Variants in CYP7B1 observed in about 807,000 individuals in gnomAD.
CYP7B1 encodes the protein cytochrome P450 family 7 subfamily B member 1.
A neutral mutation model predicts 42.7 loss-of-function variants in CYP7B1; 29 were observed. The ratio of observed to expected loss-of-function variants is 0.68; its 90% confidence interval spans 0.51 to 0.93. The LOEUF is 0.93. CYP7B1 is among the 40% of genes least tolerant of loss of function. The pLI is 0.00. For synonymous variants in CYP7B1, 235 were observed against 218.2 expected (o/e 1.08, Z -0.68); for missense variants, 655 against 600.5 (o/e 1.09, Z -0.95).
In CYP7B1 at chr8:64,596,345, G is replaced by T. The variant is rs1805115920; in HGVS notation, c.*297C>A. ...ACAGTGCCCAATCTATTGGTGTGAA[G>T]GTACATTTATTATAACAGGTGAAAA... On this transcript the variant is annotated 3_prime_UTR_variant, in exon 6 of 6. Transcript: ENST00000310193. 1 of 280,286 alleles carries T rather than the reference G, an allele frequency of 3.6e-6. No individual in the cohort carries two copies. Among genetic ancestry groups the T allele is most frequent in the African/African-American group, 2.2e-5 (1 of 45,654 alleles). 17.4% of individuals were successfully genotyped at this position (280,286 alleles called of 1,614,324 possible).
At chr8:64,668,120 G>C (rs567811308) in intron 1 of CYP7B1, among the ~76,000 whole-genome samples, 4 of 152,092 alleles carry the variant, frequency 2.6e-5, no homozygotes, top group Non-Finnish European at 5.9e-5. Context: ...GAGATGTTTG[G>C]GGCTTTACCT....
intron 1 of CYP7B1, 133 bp from the exon 2 acceptor site, chr8:64,624,672 A>G: frequency 9.9e-7 from 1 of 1,014,070 alleles, no homozygotes; most frequent in South Asian, 1.5e-5. Flanking sequence ...TCTCTTACTC[A>G]GTGATTCTTA....
intron 1 of CYP7B1, among the ~76,000 whole-genome samples, chr8:64,770,595 A>C (rs975179784): frequency 1.3e-5 from 2 of 152,250 alleles, no homozygotes; most frequent in East Asian, 3.8e-4. Context: ...ATCTAAAACC[A>C]ATATACTCAC....
At chr8:64,633,745 T>G (rs1585820153) in intron 1 of CYP7B1, among the ~76,000 whole-genome samples, 1 of 152,252 alleles carries the variant, frequency 6.6e-6, no homozygotes, top group East Asian at 1.9e-4. Flanking sequence ...AGTAAGATGT[T>G]TTATGGATAT....
intron 1 of CYP7B1, among the ~76,000 whole-genome samples, chr8:64,691,697 C>A (rs1806747800): frequency 6.6e-6 from 1 of 152,178 alleles, no homozygotes; most frequent in Admixed American, 6.5e-5. Flanking sequence ...CCACTAGCAC[C>A]AGCTCAACAG....
rs1805575321 is a variant in CYP7B1 at position 64,624,383 on chromosome 8, T to C, written c.259+20A>G. The C allele has an allele frequency of 6.2e-7, 1 of 1,611,306 alleles. No individual in the cohort carries two copies. The highest frequency in any genetic ancestry group is 1.3e-5 in the African/African-American group (1 of 74,886). ...GAAAAATGATGACATATATAAGGTA[T>C]TAATAGAAGTGCTTCTTACCACCAA... On this transcript the variant is annotated intron_variant, in intron 2 of 5. Coordinates refer to ENST00000310193, the MANE Select transcript of CYP7B1 (RefSeq NM_004820.5).
At chr8:64,760,001 A>C (rs1807862211) in intron 1 of CYP7B1, among the ~76,000 whole-genome samples, 1 of 152,160 alleles carries the variant, frequency 6.6e-6, no homozygotes, top group South Asian at 2.1e-4. Flanking sequence ...TGTAGATATA[A>C]GATTTTTGAA....
chr8:64,598,317 A>G (rs1382707379), intron 5 of CYP7B1, among the ~76,000 whole-genome samples: 1 of 152,190 alleles, frequency 6.6e-6, no homozygotes, highest in Non-Finnish European at 1.5e-5. Context: ...GTTGACATAC[A>G]GGGTCACTGG....
chr8:64,618,146 A>G (rs923882504), intron 2 of CYP7B1, among the ~76,000 whole-genome samples: 14 of 151,488 alleles, frequency 9.2e-5, no homozygotes, highest in African/African-American at 3.4e-4. Flanking sequence ...CTGCTTTACC[A>G]TCACAGCTTA....
intron 1 of CYP7B1, among the ~76,000 whole-genome samples, chr8:64,707,635 T>G (rs1807020137): frequency 6.6e-6 from 1 of 152,128 alleles, no homozygotes; most frequent in South Asian, 2.1e-4. Context: ...TAGTCAGTTA[T>G]CACCAAATTA....
In CYP7B1 at chr8:64,616,923, C is replaced by A. The variant is rs1168937086; in HGVS notation, c.260-642G>T. Among the ~76,000 whole-genome samples the A allele has an allele frequency of 2.0e-5, 3 of 152,166 alleles. No individual in the cohort carries two copies. In the South Asian group the frequency reaches 6.2e-4, roughly 32 times the overall value. On this transcript the variant is annotated intron_variant, in intron 2 of 5. Transcript: ENST00000310193. The stretch of plus-strand genomic sequence containing the variant: ...CACAGGATTCCAAACTAGAACACAT[C>A]CATTCATCCATTCCTTCAGGAAGTC...
chr8:64,684,814 T>G (rs112835544), intron 1 of CYP7B1, among the ~76,000 whole-genome samples: 10 of 152,278 alleles, frequency 6.6e-5, no homozygotes, highest in African/African-American at 2.4e-4. Flanking sequence ...ATATACAAAA[T>G]AGATACATGA....
intron 2 of CYP7B1, among the ~76,000 whole-genome samples, chr8:64,617,846 G>T (rs1805470715): frequency 6.6e-6 from 1 of 151,634 alleles, no homozygotes; most frequent in Non-Finnish European, 1.5e-5. Flanking sequence ...AGATAAATAT[G>T]TTTTTGTTTC....
At chr8:64,728,038 G>A (rs1461688593) in intron 1 of CYP7B1, 1 of 152,226 alleles carries the variant, frequency 6.6e-6, no homozygotes, top group Non-Finnish European at 1.5e-5. Flanking sequence ...GTCATAAGTC[G>A]TGGGTTTAGC....
chr8:64,696,680 C>T (rs1268402262), intron 1 of CYP7B1, among the ~76,000 whole-genome samples: 2 of 152,112 alleles, frequency 1.3e-5, no homozygotes, highest in African/African-American at 4.8e-5. Flanking sequence ...AAGTATTTAG[C>T]CTGATTTCCA....
intron 1 of CYP7B1, among the ~76,000 whole-genome samples, chr8:64,632,598 C>CA (rs1805712623): frequency 6.6e-6 from 1 of 151,822 alleles, no homozygotes; most frequent in Non-Finnish European, 1.5e-5. Context: ...ATAAAATAAA[C>CA]AAAAAATCTT....
At chr8:64,741,055 T>G (rs1412111403) in intron 1 of CYP7B1, among the ~76,000 whole-genome samples, 1 of 151,780 alleles carries the variant, frequency 6.6e-6, no homozygotes, top group Non-Finnish European at 1.5e-5. Context: ...ACCAATGTGG[T>G]TTTATTGAGG....
At chr8:64,652,350 C>T (rs1251267631) in intron 1 of CYP7B1, among the ~76,000 whole-genome samples, 1 of 152,108 alleles carries the variant, frequency 6.6e-6, no homozygotes, top group Non-Finnish European at 1.5e-5. Flanking sequence ...GAACGCTCCA[C>T]CCAAAAAACA....
chr8:64,689,118 C>G (rs183094231), intron 1 of CYP7B1, among the ~76,000 whole-genome samples: 4 of 152,090 alleles, frequency 2.6e-5, no homozygotes, highest in African/African-American at 7.2e-5. Flanking sequence ...ATTTTGAGAT[C>G]AATTCCTAAA....
Sources: gnomAD v4.1 joint callset for allele counts (sites outside exome capture counted in the v4.1 genomes callset) on GRCh38, gnomAD v4.1.1 for gene constraint, MANE v1.5 for transcripts, NCBI Gene and HGNC (gene_info 2026-07-23, HGNC 2026-07-21) for gene names.